Variants in ASXL3 observed in about 807,000 individuals in gnomAD.
The protein encoded by ASXL3 is ASXL transcriptional regulator 3.
A neutral mutation model predicts 170.6 loss-of-function variants in ASXL3; 34 were observed. The observed-to-expected ratio is 0.20, with a 90% CI of 0.15 to 0.27. The LOEUF (loss-of-function observed/expected upper bound fraction) is 0.27. Ranked by LOEUF, ASXL3 falls within the 10% of genes least tolerant of loss-of-function variation. The pLI is 1.00. For synonymous variants in ASXL3, 1,002 were observed against 989.1 expected, an observed-to-expected ratio of 1.01 and a Z score of -0.24; for missense variants, 2,592 against 2,695.3, an observed-to-expected ratio of 0.96 and a Z score of 0.85.
At chr18:33,695,138 G>C (rs193193740) in intron 8 of ASXL3, among the ~76,000 whole-genome samples, 60 of 152,100 alleles carry the variant, frequency 3.9e-4, no homozygotes, top group African/African-American at 1.2e-3. Flanking sequence ...TCTACAAATA[G>C]TGTATATAAT....
In ASXL3 at chr18:33,744,286, A is replaced by C; in HGVS notation, c.4438A>C (p.Thr1480Pro). The change falls in exon 12 of 12, where the codon ACG (threonine) becomes CCG (proline). Residue 1480 changes from threonine (T) to proline (P), a missense_variant. By Grantham distance (38) the Thr-to-Pro change is conservative (BLOSUM62 -1). Coordinates refer to ENST00000269197, the MANE Select transcript of ASXL3 (RefSeq NM_030632.3). ...TAAAGTCATCGTTGACCACAGCACC[A>C]CGCTGACCTCCAGTTTGTCTCTGAC... is the stretch of plus-strand genomic sequence containing the variant. Reference protein sequence around the residue: ...PCKVIVDHSTTLTSSLSLTVS... With the variant: ...PCKVIVDHSTPLTSSLSLTVS... 3 of 1,614,006 alleles carry C rather than the reference A, an allele frequency of 1.9e-6. No homozygotes were observed. Among genetic ancestry groups the C allele is most frequent in the Non-Finnish European group, 2.5e-6 (3 of 1,179,896 alleles).
At chr18:33,598,247 A>T (rs551346612) in intron 1 of ASXL3, among the ~76,000 whole-genome samples, 1 of 152,192 alleles carries the variant, frequency 6.6e-6, no homozygotes, top group African/African-American at 2.4e-5. Flanking sequence ...TGATTTAATC[A>T]TATTAGATCT....
chr18:33,623,317 C>T (rs960419332), intron 2 of ASXL3, among the ~76,000 whole-genome samples: 16 of 152,152 alleles, frequency 1.1e-4, no homozygotes, highest in East Asian at 3.9e-4. Flanking sequence ...TCTCATTGAT[C>T]TTCTCTTCCC....
chr18:33,647,896 A>G (rs958462610), intron 4 of ASXL3, among the ~76,000 whole-genome samples: 44 of 152,054 alleles, frequency 2.9e-4, no homozygotes, highest in African/African-American at 1.0e-3. Flanking sequence ...CATTTAGAAA[A>G]GACCTGAGGA....
chr18:33,609,186 C>G (rs966523774), intron 2 of ASXL3: 3 of 423,830 alleles, frequency 7.1e-6, no homozygotes, highest in South Asian at 2.0e-4. Flanking sequence ...TAATTTTCTT[C>G]TTGCCACCTG....
chr18:33,715,912 T>G (rs1599534666), intron 8 of ASXL3, among the ~76,000 whole-genome samples: 1 of 152,164 alleles, frequency 6.6e-6, no homozygotes, highest in African/African-American at 2.4e-5. Flanking sequence ...ATTTCAGACA[T>G]TGCAGACAGC....
chr18:33,586,545 A>G (rs182751840), intron 1 of ASXL3, among the ~76,000 whole-genome samples: 62 of 151,932 alleles, frequency 4.1e-4, no homozygotes, highest in African/African-American at 1.5e-3. Flanking sequence ...TGATAGCTTC[A>G]TTTCTCTTTC....
intron 8 of ASXL3, among the ~76,000 whole-genome samples, chr18:33,716,537 T>A (rs761040224): frequency 5.9e-5 from 9 of 152,308 alleles, no homozygotes; most frequent in Admixed American, 1.3e-4. Context: ...ATGACAGGCT[T>A]TCTCTATTAC....
intron 6 of ASXL3, 48 bp from the exon 7 acceptor site, chr18:33,671,699 A>G (rs747573418): frequency 1.3e-6 from 2 of 1,498,184 alleles, no homozygotes; most frequent in Non-Finnish European, 1.8e-6. Flanking sequence ...TTTTCTTTTC[A>G]AGGACAGCTA....
Position 33,669,754 on chromosome 18 carries a change from A to G in ASXL3, c.478-919A>G, listed in dbSNP as rs1192842255. 3.9e-5 allele frequency among the ~76,000 whole-genome samples: 6 copies of G among 152,322 alleles called. No individual in the cohort carries two copies. The East Asian group carries it at 9.7e-4, about 25-fold the overall frequency. On this transcript the variant is annotated intron_variant, in intron 5 of 11. Transcript: ENST00000269197. ...GAAATTACACAGAAACTAGGAATAA[A>G]AAGGATTGAGGCAGTATGAAGCCAG...
At chr18:33,663,145 T>C (rs2066203606) in intron 5 of ASXL3, among the ~76,000 whole-genome samples, 1 of 152,074 alleles carries the variant, frequency 6.6e-6, no homozygotes, top group South Asian at 2.1e-4. Context: ...TTTTAATTGA[T>C]GAAATAAAAA....
chr18:33,721,028 C>A (rs577957452), intron 8 of ASXL3, among the ~76,000 whole-genome samples: 17 of 152,206 alleles, frequency 1.1e-4, no homozygotes, highest in African/African-American at 3.9e-4. Flanking sequence ...TTGCTTTTAA[C>A]ATTGCATACA....
chr18:33,687,263 A>G (rs1437653454), intron 8 of ASXL3, among the ~76,000 whole-genome samples: 5 of 152,282 alleles, frequency 3.3e-5, no homozygotes, highest in Admixed American at 1.3e-4. Flanking sequence ...ACTTGGTGCA[A>G]CAAACAAGCA....
intron 8 of ASXL3, among the ~76,000 whole-genome samples, chr18:33,713,273 T>TTTTTTTTTTTTTTTTTC: frequency 8.4e-6 from 1 of 118,984 alleles, no homozygotes; most frequent in Non-Finnish European, 1.7e-5. Flanking sequence ...TTTTTTTTTT[T>TTTTTTTTTTTTTTTTTC]TGAGACAGGG....
chr18:33,630,513 G>A (rs556250970), intron 2 of ASXL3, among the ~76,000 whole-genome samples: 1 of 152,078 alleles, frequency 6.6e-6, no homozygotes, highest in South Asian at 2.1e-4. Flanking sequence ...GAGGAGGAGA[G>A]AGGAGAAAGA....
At position 33,745,037 on chromosome 18, in the gene ASXL3, T is replaced by A. The variant is rs1468601856; in HGVS notation, c.5189T>A (p.Val1730Asp). ...TTGGCTACCGATGCCCTGAAGAGAG[T>A]CCCTGGTGCAGGGAGCTCAGGCTGT... is the stretch of plus-strand genomic sequence containing the variant. ...ISLATDALKR[V>D]PGAGSSGCRL... The change falls in exon 12 of 12, where the codon GTC becomes GAC. Residue 1730 changes from valine (V) to aspartate (D), a missense_variant. Val to Asp is a radical substitution (Grantham distance 152). Transcript: ENST00000269197. 3 of 1,613,618 alleles carry A rather than the reference T, an allele frequency of 1.9e-6. No homozygotes were observed. In the African/African-American group the frequency reaches 4.0e-5, roughly 22 times the overall value.
intron 4 of ASXL3, among the ~76,000 whole-genome samples, chr18:33,658,574 A>G (rs1231479067): frequency 6.6e-6 from 1 of 152,056 alleles, no homozygotes; most frequent in East Asian, 1.9e-4. Context: ...TTCTTTCCTG[A>G]TTTTTTGTTC....
intron 2 of ASXL3, among the ~76,000 whole-genome samples, chr18:33,615,377 T>C (rs1599398708): frequency 6.6e-6 from 1 of 152,144 alleles, no homozygotes; most frequent in South Asian, 2.1e-4. Context: ...CTTACCATTT[T>C]ATATGGGCAC....
intron 5 of ASXL3, among the ~76,000 whole-genome samples, chr18:33,669,207 A>G (rs2066304219): frequency 6.6e-6 from 1 of 152,206 alleles, no homozygotes; most frequent in Non-Finnish European, 1.5e-5. Context: ...AATTATGTAT[A>G]CATCTTGAAG....
Sources: allele counts gnomAD v4.1 joint callset (sites outside exome capture counted in the v4.1 genomes callset), GRCh38; gene constraint gnomAD v4.1.1; transcripts MANE v1.5; gene names NCBI Gene and HGNC (gene_info 2026-07-23, HGNC 2026-07-21).